MAN2A1: variants seen among roughly 807,000 people sequenced by gnomAD.
MAN2A1 encodes alpha-mannosidase 2.
Under a neutral mutation model 142.6 loss-of-function variants are expected in MAN2A1, and 76 were observed. The ratio of observed to expected loss-of-function variants is 0.53; its 90% CI spans 0.44 to 0.65. The LOEUF is 0.65. MAN2A1 is among the 30% of genes least tolerant of loss of function. MAN2A1 has a pLI of 0.00. For synonymous variants in MAN2A1, 559 were observed against 473.2 expected, an observed-to-expected ratio of 1.18 and a Z score of -2.35; for missense variants, 1,311 against 1,365.1, an observed-to-expected ratio of 0.96 and a Z score of 0.62.
At chr5:109,767,429 A>G (rs1201424360) in intron 5 of MAN2A1, 106 bp from the exon 6 acceptor site, 14 of 854,838 alleles carry the variant, frequency 1.6e-5, no homozygotes, top group Non-Finnish European at 2.1e-5. Flanking sequence ...CCTTGGTCTG[A>G]TATCTCTAGG....
chr5:109,728,805 T>C (rs1751819473), intron 3 of MAN2A1, among the ~76,000 whole-genome samples: 1 of 152,186 alleles, frequency 6.6e-6, no homozygotes, highest in Admixed American at 6.5e-5. Flanking sequence ...TACCTCTCAG[T>C]GTTCATATTT....
intron 16 of MAN2A1, among the ~76,000 whole-genome samples, chr5:109,834,051 G>A (rs1754999070): frequency 6.6e-6 from 1 of 152,070 alleles, no homozygotes; most frequent in Non-Finnish European, 1.5e-5. Context: ...GAAATAGAGT[G>A]GTGGAAAAGA....
In MAN2A1 at chr5:109,707,288, G is replaced by A. The variant is rs115836221; in HGVS notation, c.136-6232G>A. 5.0e-3 allele frequency among the ~76,000 whole-genome samples: 767 copies of A among 152,250 alleles called. 7 individuals are homozygous for A. The highest frequency in any genetic ancestry group is 0.017 in the African/African-American group (719 of 41,546). On this transcript the variant is annotated intron_variant, in intron 1 of 21. Coordinates refer to ENST00000261483, the MANE Select transcript of MAN2A1 (RefSeq NM_002372.4). ...TTTTGGATTTTCTTTCTTCAAAAAT[G>A]GTGTGTTTTGTTTTTATTTGTATTA...
chr5:109,847,462 T>C (rs1755371058), intron 18 of MAN2A1, among the ~76,000 whole-genome samples, 195 bp from the exon 19 acceptor site: 1 of 152,180 alleles, frequency 6.6e-6, no homozygotes, highest in African/African-American at 2.4e-5. Flanking sequence ...CTATCCTGTT[T>C]TATGAATTTG....
At chr5:109,827,478 A>G (rs1754787518) in intron 16 of MAN2A1, among the ~76,000 whole-genome samples, 1 of 152,244 alleles carries the variant, frequency 6.6e-6, no homozygotes. Context: ...AAGAACGACA[A>G]GCAACATTTC....
chr5:109,742,003 A>G (rs1023963976), intron 4 of MAN2A1, among the ~76,000 whole-genome samples: 4 of 152,200 alleles, frequency 2.6e-5, no homozygotes, highest in African/African-American at 7.2e-5. Context: ...TCACATTTGA[A>G]TATTTTTTGG....
At chr5:109,814,669 T>G (rs1754405351) in intron 12 of MAN2A1, among the ~76,000 whole-genome samples, 1 of 152,232 alleles carries the variant, frequency 6.6e-6, no homozygotes, top group South Asian at 2.1e-4. Context: ...AAATACTAAT[T>G]AGCTACTAAA....
intron 4 of MAN2A1, among the ~76,000 whole-genome samples, chr5:109,740,002 A>G (rs1263203110): frequency 6.6e-6 from 1 of 152,014 alleles, no homozygotes; most frequent in African/African-American, 2.4e-5. Flanking sequence ...CATTTGCAAG[A>G]CTCTTCCTGT....
chr5:109,735,060 A>G (rs1384302803), intron 4 of MAN2A1, among the ~76,000 whole-genome samples: 1 of 152,174 alleles, frequency 6.6e-6, no homozygotes, highest in Non-Finnish European at 1.5e-5. Flanking sequence ...GTGCTCCTGT[A>G]TTGGGTGCAT....
At chr5:109,763,114 G>A (rs1752897108) in intron 5 of MAN2A1, among the ~76,000 whole-genome samples, 1 of 152,158 alleles carries the variant, frequency 6.6e-6, no homozygotes, top group African/African-American at 2.4e-5. Flanking sequence ...AAATCTCCTG[G>A]TTTTTGTTGT....
At chr5:109,749,969 T>C (rs1752503031) in intron 4 of MAN2A1, among the ~76,000 whole-genome samples, 1 of 152,074 alleles carries the variant, frequency 6.6e-6, no homozygotes, top group Non-Finnish European at 1.5e-5. Context: ...ATTTTTATCA[T>C]CACTAACAAC....
chr5:109,830,203 CT>C (rs1428779994), intron 16 of MAN2A1, among the ~76,000 whole-genome samples: 1 of 152,122 alleles, frequency 6.6e-6, no homozygotes, highest in East Asian at 1.9e-4. Context: ...TTCCATGAAA[CT>C]TTTGAAGACC....
chr5:109,826,747 G>C (rs542494988), intron 16 of MAN2A1, among the ~76,000 whole-genome samples: 1 of 152,348 alleles, frequency 6.6e-6, no homozygotes, highest in South Asian at 2.1e-4. Flanking sequence ...GGCTCTATCA[G>C]CGTTCACGCT....
Position 109,813,853 on chromosome 5 carries a change from C to T in MAN2A1, c.1944-3420C>T, listed in dbSNP as rs549683881. 2.0e-5 allele frequency among the ~76,000 whole-genome samples: 3 copies of T among 152,320 alleles called. No individual in the cohort carries two copies. The South Asian group carries it at 6.2e-4, about 32-fold the overall frequency. On this transcript the variant is annotated intron_variant, in intron 12 of 21. Transcript: ENST00000261483. ...ACTGGGATTCTTCCATAAAGTGATT[C>T]CCAGTTTGATAGGAGCATACAGATG...
intron 16 of MAN2A1, among the ~76,000 whole-genome samples, chr5:109,824,480 A>G (rs994028557): frequency 3.9e-5 from 6 of 152,174 alleles, no homozygotes; most frequent in Non-Finnish European, 7.4e-5. Flanking sequence ...AGGTTGGTTG[A>G]TTTAGAATTC....
At chr5:109,702,117 T>TTAATGAAA (rs1170118359) in intron 1 of MAN2A1, among the ~76,000 whole-genome samples, 1 of 152,130 alleles carries the variant, frequency 6.6e-6, no homozygotes, top group Non-Finnish European at 1.5e-5. Flanking sequence ...GTAGCAGATG[T>TTAATGAAA]TAATGAAATA....
intron 5 of MAN2A1, among the ~76,000 whole-genome samples, chr5:109,761,238 T>G (rs1016276220): frequency 6.6e-6 from 1 of 151,752 alleles, no homozygotes; most frequent in Non-Finnish European, 1.5e-5. Context: ...GTCTGTTTAG[T>G]ATTTTATTGC....
At chr5:109,774,989 C>T (rs781736140) in intron 8 of MAN2A1, 24 bp downstream of exon 8, 1 of 1,503,300 alleles carries the variant, frequency 6.7e-7, no homozygotes, top group East Asian at 2.3e-5. Context: ...ATTTATGATT[C>T]CGTATTTGAA....
chr5:109,716,346 C>A, intron 3 of MAN2A1, 82 bp downstream of exon 3: 1 of 1,131,142 alleles, frequency 8.8e-7, no homozygotes, highest in Non-Finnish European at 1.3e-6. Context: ...TGGTAGAGGC[C>A]ACTTCTCAAA....
Sources: gnomAD v4.1 joint callset for allele counts (sites outside exome capture counted in the v4.1 genomes callset) on GRCh38, gnomAD v4.1.1 for gene constraint, MANE v1.5 for transcripts, NCBI Gene and HGNC (gene_info 2026-07-23, HGNC 2026-07-21) for gene names.